Variants in PAPPA2 observed in about 807,000 individuals in gnomAD.
PAPPA2 encodes pappalysin-2.
In PAPPA2, 86 loss-of-function variants were observed where a neutral mutation model predicts 176.4. That is an observed-to-expected ratio of 0.49 (90% CI 0.41 to 0.58). The LOEUF (loss-of-function observed/expected upper bound fraction) is 0.58. Ranked by LOEUF, PAPPA2 falls within the 20% of genes least tolerant of loss-of-function variation. The pLI is 0.00. For synonymous variants in PAPPA2, 809 were observed against 852.2 expected, an observed-to-expected ratio of 0.95 and a Z score of 0.88; for missense variants, 2,073 against 2,256.9, an observed-to-expected ratio of 0.92 and a Z score of 1.65.
intron 4 of PAPPA2, among the ~76,000 whole-genome samples, chr1:176,673,778 A>G (rs1445236499): frequency 2.0e-5 from 3 of 152,184 alleles, no homozygotes; most frequent in Admixed American, 6.6e-5. Context: ...CCAATCCCTG[A>G]AAGAAGAAAA....
intron 1 of PAPPA2, among the ~76,000 whole-genome samples, chr1:176,499,151 T>C (rs983910430): frequency 3.3e-5 from 5 of 152,212 alleles, no homozygotes; most frequent in African/African-American, 7.2e-5. Flanking sequence ...CTAATAGAGT[T>C]GATCATGAAT....
intron 3 of PAPPA2, among the ~76,000 whole-genome samples, chr1:176,645,689 A>G (rs1206613146): frequency 2.0e-5 from 3 of 151,722 alleles, no homozygotes; most frequent in African/African-American, 7.3e-5. Context: ...TAATGACTGT[A>G]CTAATTTACA....
intron 1 of PAPPA2, among the ~76,000 whole-genome samples, chr1:176,477,759 T>C (rs1357676567): frequency 7.8e-6 from 1 of 127,442 alleles, no homozygotes; most frequent in East Asian, 2.0e-4. Flanking sequence ...AATAAATAAA[T>C]AAAAAACATT....
At chr1:176,469,299 C>G (rs923637552) in intron 1 of PAPPA2, among the ~76,000 whole-genome samples, 1 of 152,108 alleles carries the variant, frequency 6.6e-6, no homozygotes, top group Non-Finnish European at 1.5e-5. Flanking sequence ...TCTGTGGTAC[C>G]TATTAAATGC....
chr1:176,473,527 A>G (rs1420982971), intron 1 of PAPPA2, among the ~76,000 whole-genome samples: 1 of 152,156 alleles, frequency 6.6e-6, no homozygotes, highest in Non-Finnish European at 1.5e-5. Flanking sequence ...TAAGTTTTAC[A>G]GTCACTTGGG....
At chr1:176,654,324 G>C (rs1192194673) in intron 3 of PAPPA2, among the ~76,000 whole-genome samples, 2 of 151,430 alleles carry the variant, frequency 1.3e-5, no homozygotes, top group Non-Finnish European at 3.0e-5. Flanking sequence ...CATGTCCCCG[G>C]TGTATGTTCT....
At chr1:176,602,779 C>T (rs1390932688) in intron 3 of PAPPA2, among the ~76,000 whole-genome samples, 1 of 152,078 alleles carries the variant, frequency 6.6e-6, no homozygotes, top group Non-Finnish European at 1.5e-5. Flanking sequence ...GAGCAAGTGT[C>T]ACCTTCTCAT....
rs1211787432 is a variant in PAPPA2 at position 176,789,829 on chromosome 1, G to T, written c.4736G>T (p.Cys1579Phe). 1.9e-6 allele frequency: 3 copies of T among 1,613,746 alleles called. No individual in the cohort carries two copies. The African/African-American group carries it at 4.0e-5, about 22-fold the overall frequency. Residue 1579 changes from cysteine to phenylalanine, a missense_variant, in exon 18 of 23, where the codon TGC becomes TTC. This residue lies in a region of PAPPA2 where 846 missense variants were observed against 857.9 expected (regional missense o/e 0.99). Transcript: ENST00000367662. ...ATCAGCAAGCTCCTGAAGATACAAT[G>T]CCTGGAAGGTGGAATCTGGGAGCAA... ...KVRNKLLKIQ[C>F]LEGGIWEQGS...
chr1:176,517,195 T>C (rs1238232411), intron 1 of PAPPA2, among the ~76,000 whole-genome samples: 4 of 152,300 alleles, frequency 2.6e-5, no homozygotes, highest in Admixed American at 2.0e-4. Flanking sequence ...CCCTTTCTTT[T>C]CCTGCCTGCC....
rs554818092 is a variant in PAPPA2, at chr1:176,491,449, AAC to A, written c.-917+28035_-917+28036del. Among the ~76,000 whole-genome samples the A allele has an allele frequency of 9.2e-5, 14 of 152,312 alleles. No homozygotes were observed. In the South Asian group the frequency reaches 2.9e-3, roughly 32 times the overall value. ...GGAGGAAGATATTTGCATGAGAAAA[AAC>A]ACAGAGTTACGAACATGTCCGACAT... On this transcript the variant is annotated intron_variant, in intron 1 of 22. Transcript: ENST00000367662.
chr1:176,655,273 T>A (rs190876644), intron 3 of PAPPA2, among the ~76,000 whole-genome samples: 39 of 151,986 alleles, frequency 2.6e-4, no homozygotes, highest in African/African-American at 9.4e-4. Context: ...ATGGTTTTTA[T>A]CATGAAGTGA....
chr1:176,697,172 T>A (rs543990186), intron 7 of PAPPA2, among the ~76,000 whole-genome samples: 1 of 152,298 alleles, frequency 6.6e-6, no homozygotes, highest in East Asian at 1.9e-4. Flanking sequence ...AATTAGAAGT[T>A]CTACGTTCTA....
chr1:176,690,336 G>A lies in PAPPA2; in HGVS notation c.2337G>A (p.Lys779=). 6.8e-6 allele frequency: 11 copies of A among 1,614,180 alleles called. No individual in the cohort carries two copies. The highest frequency in any genetic ancestry group is 8.5e-6 in the Non-Finnish European group (10 of 1,180,026). The stretch of plus-strand genomic sequence containing the variant: ...GTGCCGACACCGCCCCCACTCCCAA[G>A]AGTGAGCTGTGCCGGGAACCAGAGC... ...DLCADTAPTP[K]SELCREPEPT... is the part of the protein sequence containing the mutation. The change falls in exon 5 of 23, where the codon AAG becomes AAA. Residue 779 remains lysine, a synonymous_variant. Coordinates refer to ENST00000367662, the MANE Select transcript of PAPPA2 (RefSeq NM_020318.3).
intron 2 of PAPPA2, among the ~76,000 whole-genome samples, chr1:176,579,226 C>T (rs953135356): frequency 2.6e-5 from 4 of 152,062 alleles, no homozygotes; most frequent in Admixed American, 6.5e-5. Context: ...GTTACATTCC[C>T]GTCAAATACA....
At chr1:176,764,682 C>T (rs1663861065) in intron 14 of PAPPA2, among the ~76,000 whole-genome samples, 1 of 151,770 alleles carries the variant, frequency 6.6e-6, no homozygotes, top group Admixed American at 6.6e-5. Context: ...CTGCAAGCTC[C>T]GCCTCCCGGG....
At chr1:176,827,111 CT>C (rs1666889311) in intron 21 of PAPPA2, among the ~76,000 whole-genome samples, 1 of 152,144 alleles carries the variant, frequency 6.6e-6, no homozygotes, top group African/African-American at 2.4e-5. Context: ...TCCTATCTGC[CT>C]TTTTCTATTC....
chr1:176,623,310 A>G (rs1655697162), intron 3 of PAPPA2, among the ~76,000 whole-genome samples: 1 of 152,162 alleles, frequency 6.6e-6, no homozygotes, highest in African/African-American at 2.4e-5. Context: ...AAGTCAATGT[A>G]TCTTTAATTC....
At position 176,555,823 on chromosome 1, in the gene PAPPA2, G is replaced by T. The variant is rs1223050458; in HGVS notation, c.-500G>T. ...ATTCCTAGGGAAGGAAGAAGAGAAAGAAATGAAAATTAGAGAATAAGATTA... is the reference window on the plus strand; with the variant it reads ...ATTCCTAGGGAAGGAAGAAGAGAAATAAATGAAAATTAGAGAATAAGATTA... On this transcript the variant is annotated 5_prime_UTR_variant, in exon 2 of 23. Transcript: ENST00000367662. 6.5e-6 allele frequency: 1 copy of T among 153,226 alleles called. No individual in the cohort carries two copies. Among genetic ancestry groups the T allele is most frequent in the African/African-American group, 2.4e-5 (1 of 41,484 alleles). The allele number at this position is 153,226 out of a possible 1,614,324, so 9.5% of individuals were successfully genotyped here.
At position 176,495,283 on chromosome 1, in the gene PAPPA2, G is replaced by T. The variant is rs190310762; in HGVS notation, c.-917+31865G>T. On this transcript the variant is annotated intron_variant, in intron 1 of 22. Coordinates refer to ENST00000367662, the MANE Select transcript of PAPPA2 (RefSeq NM_020318.3). ...AAGTTAAGAAACTTAACAGCTGCCT[G>T]TAACCCCAGCACTTTGGGAGGCCGA... Among the ~76,000 whole-genome samples, 60 of 152,258 alleles carry T rather than the reference G, an allele frequency of 3.9e-4. No individual in the cohort carries two copies. The East Asian group carries it at 0.011, about 27-fold the overall frequency.
Sources: gnomAD v4.1 joint callset for allele counts (sites outside exome capture counted in the v4.1 genomes callset) on GRCh38, gnomAD v4.1.1 for gene constraint, gnomAD v4.1.1 regional missense constraint, MANE v1.5 for transcripts, NCBI Gene and HGNC (gene_info 2026-07-23, HGNC 2026-07-21) for gene names.